Variants in ERBB4 observed in about 807,000 individuals in gnomAD.
ERBB4 encodes erb-b2 receptor tyrosine kinase 4.
In ERBB4, 42 loss-of-function variants were observed where a neutral mutation model predicts 158.0. The observed-to-expected ratio is 0.27, with a 90% confidence interval of 0.21 to 0.34. ERBB4 has a LOEUF of 0.34. Among genes scored for constraint, ERBB4 ranks in the 10% least tolerant of loss-of-function variants. The pLI is 1.00. For missense variants in ERBB4, 1,333 were observed against 1,624.1 expected (o/e 0.82, Z 3.08); for synonymous variants, 583 against 558.7 (o/e 1.04, Z -0.61).
chr2:211,955,306 G>A (rs141872145), intron 2 of ERBB4, among the ~76,000 whole-genome samples: 2 of 152,122 alleles, frequency 1.3e-5, no homozygotes, highest in East Asian at 3.9e-4. Flanking sequence ...CTTCTTAGCA[G>A]TGAACACCTT....
chr2:211,991,869 G>A (rs2082081892), intron 2 of ERBB4, among the ~76,000 whole-genome samples: 1 of 152,154 alleles, frequency 6.6e-6, no homozygotes, highest in South Asian at 2.1e-4. Context: ...TTCAGTAGAA[G>A]TACAATGGGG....
At chr2:211,681,385 G>C (rs1285772375) in intron 12 of ERBB4, among the ~76,000 whole-genome samples, 1 of 152,114 alleles carries the variant, frequency 6.6e-6, no homozygotes, top group Non-Finnish European at 1.5e-5. Flanking sequence ...CCCAGGAGAG[G>C]AGTGGCTGGA....
At chr2:212,229,024 G>A (rs557890052) in intron 1 of ERBB4, among the ~76,000 whole-genome samples, 1 of 152,320 alleles carries the variant, frequency 6.6e-6, no homozygotes, top group Non-Finnish European at 1.5e-5. Context: ...GGCAGCATGA[G>A]CTCTGTGTAT....
chr2:212,009,167 A>ACTCC (rs2076326277), intron 2 of ERBB4, among the ~76,000 whole-genome samples: 1 of 152,078 alleles, frequency 6.6e-6, no homozygotes, highest in African/African-American at 2.4e-5. Context: ...ACCCCCCAAA[A>ACTCC]AGATATTTCT....
chr2:211,535,193 T>C (rs1169442842), intron 20 of ERBB4, among the ~76,000 whole-genome samples: 1 of 152,040 alleles, frequency 6.6e-6, no homozygotes, highest in Non-Finnish European at 1.5e-5. Flanking sequence ...ATAAAAGATG[T>C]GGAGAAAAAA....
intron 2 of ERBB4, among the ~76,000 whole-genome samples, chr2:212,099,737 T>TTG (rs1553557603): frequency 5.0e-4 from 9 of 17,944 alleles, no homozygotes; most frequent in African/African-American, 3.7e-3. Flanking sequence ...TGTTTTACAG[T>TTG]TTTTTTTTTT....
chr2:212,379,255 T>C (rs573513316), intron 1 of ERBB4, among the ~76,000 whole-genome samples: 1 of 151,910 alleles, frequency 6.6e-6, no homozygotes, highest in African/African-American at 2.4e-5. Context: ...TATTAAGTTA[T>C]CTTGTGCTCA....
At chr2:212,198,440 G>A (rs2082494579) in intron 1 of ERBB4, among the ~76,000 whole-genome samples, 1 of 152,020 alleles carries the variant, frequency 6.6e-6, no homozygotes, top group African/African-American at 2.4e-5. Flanking sequence ...GACTATTCCA[G>A]GTAACCTCAT....
At chr2:211,716,362 CAAAAAAAAAAAAAAAAAAAAA>C (rs534486221) in intron 7 of ERBB4, among the ~76,000 whole-genome samples, 13 of 69,286 alleles carry the variant, frequency 1.9e-4, no homozygotes, top group Admixed American at 2.8e-4. Flanking sequence ...AACTCTGTCT[CAAAAAAAAAAAAAAAAAAAAA>C]AAAAAAAAAA....
chr2:211,389,837 T>G (rs563576964), intron 25 of ERBB4, among the ~76,000 whole-genome samples: 1 of 152,290 alleles, frequency 6.6e-6, no homozygotes, highest in African/African-American at 2.4e-5. Flanking sequence ...TTGTAAACTC[T>G]ACACTATTAT....
At chr2:211,405,794 G>C (rs772953288) in intron 25 of ERBB4, among the ~76,000 whole-genome samples, 2 of 152,014 alleles carry the variant, frequency 1.3e-5, no homozygotes, top group African/African-American at 4.8e-5. Flanking sequence ...AACTTCACTC[G>C]AGCTCTAGAC....
intron 1 of ERBB4, among the ~76,000 whole-genome samples, chr2:212,302,369 TA>T (rs144319456): frequency 0.022 from 3,291 of 151,544 alleles, 129 homozygotes; most frequent in African/African-American, 0.075. Context: ...AGAGTAGACA[TA>T]AGGTATTTAT....
At chr2:211,817,427 T>C (rs2076903110) in intron 3 of ERBB4, among the ~76,000 whole-genome samples, 2 of 152,192 alleles carry the variant, frequency 1.3e-5, no homozygotes, top group East Asian at 1.9e-4. Flanking sequence ...AAAATCTGGT[T>C]ATTACTCTAC....
intron 3 of ERBB4, among the ~76,000 whole-genome samples, chr2:211,838,262 G>C (rs1301901925): frequency 2.0e-5 from 3 of 151,930 alleles, no homozygotes. Flanking sequence ...GGGGATGGTG[G>C]TGGTATTTGA....
At chr2:211,727,998 T>C (rs1256825628) in intron 5 of ERBB4, among the ~76,000 whole-genome samples, 1 of 151,916 alleles carries the variant, frequency 6.6e-6, no homozygotes, top group Non-Finnish European at 1.5e-5. Flanking sequence ...TCAAAATAAA[T>C]TATTTCTTCT....
intron 20 of ERBB4, among the ~76,000 whole-genome samples, chr2:211,489,898 G>GA (rs1229296361): frequency 2.0e-5 from 3 of 151,942 alleles, no homozygotes; most frequent in African/African-American, 4.8e-5. Flanking sequence ...TATAGTAAAT[G>GA]AAAAAATCAT....
chr2:212,135,954 A>G (rs1188044472), intron 1 of ERBB4, among the ~76,000 whole-genome samples: 1 of 152,182 alleles, frequency 6.6e-6, no homozygotes, highest in African/African-American at 2.4e-5. Context: ...GGACAGTGCA[A>G]ACCTCCAAGC....
At chr2:211,822,248 C>A (rs2077011429) in intron 3 of ERBB4, among the ~76,000 whole-genome samples, 1 of 151,816 alleles carries the variant, frequency 6.6e-6, no homozygotes, top group Non-Finnish European at 1.5e-5. Context: ...TGTAGGATAA[C>A]TATGGTTAAT....
intron 3 of ERBB4, among the ~76,000 whole-genome samples, chr2:211,945,321 T>G (rs1240834821): frequency 1.3e-5 from 2 of 152,086 alleles, no homozygotes; most frequent in Non-Finnish European, 2.9e-5. Context: ...CCAGAATACC[T>G]AAAGTTCAAT....
Sources: allele counts gnomAD v4.1 joint callset (sites outside exome capture counted in the v4.1 genomes callset), GRCh38; gene constraint gnomAD v4.1.1; transcripts MANE v1.5; gene names NCBI Gene and HGNC (gene_info 2026-07-23, HGNC 2026-07-21).